AGBL4: variants seen among roughly 807,000 people sequenced by gnomAD.
The protein encoded by AGBL4 is cytosolic carboxypeptidase 6.
A neutral mutation model predicts 66.4 loss-of-function variants in AGBL4; 58 were observed. That is an observed-to-expected ratio of 0.87 (90% CI 0.71 to 1.09). AGBL4 has a LOEUF of 1.09. Ranked by LOEUF, AGBL4 falls within the 50% of genes least tolerant of loss-of-function variation. The probability of loss-of-function intolerance (pLI) is 0.00; values close to 1 mark genes in which losing one functional copy is unlikely to be tolerated. For missense variants in AGBL4, 579 were observed against 631.0 expected, an observed-to-expected ratio of 0.92 and a Z score of 0.88; for synonymous variants, 234 against 222.9, an observed-to-expected ratio of 1.05 and a Z score of -0.44.
chr1:49,427,361 T>C (rs1412988193), intron 3 of AGBL4, among the ~76,000 whole-genome samples: 1 of 151,976 alleles, frequency 6.6e-6, no homozygotes, highest in East Asian at 1.9e-4. Context: ...GAAAGGATAA[T>C]CTGAGAGGAG....
At chr1:48,586,814 T>C (rs1569894263) in intron 11 of AGBL4, 190 bp downstream of exon 11, 2 of 658,722 alleles carry the variant, frequency 3.0e-6, no homozygotes, top group South Asian at 2.1e-5. Context: ...GCAATTGGGG[T>C]AGGAGTATCA....
intron 1 of AGBL4, among the ~76,000 whole-genome samples, chr1:49,948,085 A>AAT (rs1557608276): frequency 1.2e-5 from 1 of 85,126 alleles, no homozygotes; most frequent in African/African-American, 5.2e-5. Context: ...AATATATGTA[A>AAT]ATATATGTAT....
intron 3 of AGBL4, among the ~76,000 whole-genome samples, chr1:49,666,043 A>T (rs994587986): frequency 4.0e-5 from 6 of 151,700 alleles, no homozygotes; most frequent in African/African-American, 1.5e-4. Context: ...GCCCAGGCTG[A>T]ACTCGAACAC....
intron 2 of AGBL4, among the ~76,000 whole-genome samples, chr1:49,840,280 G>A (rs1052849825): frequency 6.6e-6 from 1 of 152,040 alleles, no homozygotes; most frequent in African/African-American, 2.4e-5. Context: ...AGTAGTCTCT[G>A]GGGATTTTTG....
chr1:49,138,346 A>G (rs1379647937), intron 4 of AGBL4, among the ~76,000 whole-genome samples: 3 of 152,186 alleles, frequency 2.0e-5, no homozygotes, highest in Non-Finnish European at 4.4e-5. Flanking sequence ...AGAAATATGT[A>G]GTGGTCAATA....
At chr1:49,962,243 CGTTAA>C (rs1657178114) in intron 1 of AGBL4, among the ~76,000 whole-genome samples, 1 of 152,102 alleles carries the variant, frequency 6.6e-6, no homozygotes, top group Non-Finnish European at 1.5e-5. Flanking sequence ...CCAATCCCTT[CGTTAA>C]GTTGTCTAAT....
At chr1:48,704,349 G>A (rs1321025353) in intron 6 of AGBL4, among the ~76,000 whole-genome samples, 1 of 152,014 alleles carries the variant, frequency 6.6e-6, no homozygotes, top group Non-Finnish European at 1.5e-5. Context: ...TGTTCACTTA[G>A]GCTACAATCA....
intron 6 of AGBL4, among the ~76,000 whole-genome samples, chr1:48,849,326 T>G (rs959141327): frequency 2.0e-5 from 3 of 152,356 alleles, no homozygotes; most frequent in African/African-American, 7.2e-5. Context: ...CAACTGCATT[T>G]ATATATTGGC....
At chr1:49,113,792 G>A (rs987438610) in intron 4 of AGBL4, among the ~76,000 whole-genome samples, 9 of 152,212 alleles carry the variant, frequency 5.9e-5, no homozygotes, top group Non-Finnish European at 1.3e-4. Flanking sequence ...GAGCTCTTGG[G>A]TGACCATGTG....
chr1:49,217,192 T>C (rs144668980), intron 4 of AGBL4, among the ~76,000 whole-genome samples: 1 of 152,200 alleles, frequency 6.6e-6, no homozygotes, highest in Non-Finnish European at 1.5e-5. Context: ...TCTGTGCTAG[T>C]TATGTAATTT....
chr1:48,593,319 C>T (rs920083579), intron 9 of AGBL4, among the ~76,000 whole-genome samples: 1 of 152,170 alleles, frequency 6.6e-6, no homozygotes, highest in African/African-American at 2.4e-5. Context: ...TTACCTCATT[C>T]TTTGTGACAG....
At position 49,643,723 on chromosome 1, in the gene AGBL4, T is replaced by G. The variant is rs182085719; in HGVS notation, c.282+53590A>C. ...AACATTTTCAACCTAGAATTCTATATCCAGTAAAAATATGTTACTAAATAT... is the reference window on the plus strand; with the variant it reads ...AACATTTTCAACCTAGAATTCTATAGCCAGTAAAAATATGTTACTAAATAT... On this transcript the variant is annotated intron_variant, in intron 3 of 13. Coordinates refer to ENST00000371839, the MANE Select transcript of AGBL4 (RefSeq NM_032785.4). Among the ~76,000 whole-genome samples, 629 of 151,744 alleles carry G rather than the reference T, an allele frequency of 4.1e-3. 2 individuals are homozygous for G. The highest frequency in any genetic ancestry group is 0.02 in the Middle Eastern group (6 of 294).
intron 6 of AGBL4, among the ~76,000 whole-genome samples, chr1:48,792,941 A>T (rs1007630451): frequency 2.0e-5 from 3 of 152,114 alleles, no homozygotes; most frequent in African/African-American, 7.2e-5. Context: ...CACTCCATAT[A>T]TGTTCTCCTT....
At chr1:49,743,487 T>C (rs375646332) in intron 2 of AGBL4, among the ~76,000 whole-genome samples, 99 of 152,190 alleles carry the variant, frequency 6.5e-4, no homozygotes, top group African/African-American at 2.3e-3. Flanking sequence ...TTGTGGAAGT[T>C]AGTGTGGCGA....
intron 6 of AGBL4, among the ~76,000 whole-genome samples, chr1:48,739,611 C>T (rs1649601756): frequency 6.6e-6 from 1 of 152,154 alleles, no homozygotes; most frequent in Admixed American, 6.5e-5. Context: ...TAACTTGGGC[C>T]AGTCACTTTA....
intron 3 of AGBL4, among the ~76,000 whole-genome samples, chr1:49,484,428 A>G (rs1330939832): frequency 1.3e-5 from 2 of 152,136 alleles, no homozygotes; most frequent in Non-Finnish European, 2.9e-5. Context: ...TAAAAAAAGA[A>G]TGAGATCTTT....
intron 3 of AGBL4, among the ~76,000 whole-genome samples, chr1:49,641,538 C>T (rs1645780565): frequency 6.6e-6 from 1 of 152,062 alleles, no homozygotes; most frequent in Non-Finnish European, 1.5e-5. Flanking sequence ...GCAAAATTAT[C>T]TTATCTTGCT....
At chr1:49,450,484 T>C (rs912037999) in intron 3 of AGBL4, among the ~76,000 whole-genome samples, 1 of 152,066 alleles carries the variant, frequency 6.6e-6, no homozygotes, top group Non-Finnish European at 1.5e-5. Flanking sequence ...ATAGTTCCCA[T>C]AGTTGGAGAG....
chr1:48,851,312 C>A (rs1346798548), intron 6 of AGBL4, among the ~76,000 whole-genome samples: 2 of 152,064 alleles, frequency 1.3e-5, no homozygotes, highest in Non-Finnish European at 2.9e-5. Context: ...AAAGGATGAT[C>A]CAAGAGATTT....
Sources: allele counts gnomAD v4.1 joint callset (sites outside exome capture counted in the v4.1 genomes callset), GRCh38; gene constraint gnomAD v4.1.1; transcripts MANE v1.5; gene names NCBI Gene and HGNC (gene_info 2026-07-23, HGNC 2026-07-21).